The following SND1 variants were observed in gnomAD, a reference collection of about 807,000 sequenced individuals.
SND1 encodes staphylococcal nuclease domain-containing protein 1.
In SND1, 38 loss-of-function variants were observed where a neutral mutation model predicts 121.7. The ratio of observed to expected loss-of-function variants is 0.31; its 90% CI spans 0.24 to 0.41. The LOEUF (loss-of-function observed/expected upper bound fraction) is 0.41. SND1 is among the 10% of genes least tolerant of loss of function. The pLI, the probability that SND1 is intolerant of heterozygous loss-of-function variation, is 1.00. For synonymous variants in SND1, 401 were observed against 447.4 expected, an observed-to-expected ratio of 0.90 and a Z score of 1.31; for missense variants, 868 against 1,184.6, an observed-to-expected ratio of 0.73 and a Z score of 3.92.
At chr7:128,030,332 G>A in intron 16 of SND1, 1 of 1,614,104 alleles carries the variant, frequency 6.2e-7, no homozygotes, top group Non-Finnish European at 8.5e-7. Flanking sequence ...CCAACTGCAG[G>A]ACCTCCAGGT....
intron 11 of SND1, among the ~76,000 whole-genome samples, chr7:127,822,395 C>T (rs1034407381): frequency 1.1e-4 from 16 of 152,046 alleles, no homozygotes. Flanking sequence ...GCAACTTTCC[C>T]GTAAAATTTT....
Position 127,874,378 on chromosome 7 carries a change from A to G in SND1, c.1344-13524A>G, listed in dbSNP as rs550785711. 1.4e-4 allele frequency among the ~76,000 whole-genome samples: 21 copies of G among 152,298 alleles called. No individual in the cohort carries two copies. The South Asian group carries it at 4.4e-3, about 32-fold the overall frequency. The stretch of plus-strand genomic sequence containing the variant: ...CATATTGAAAGACCATATTATGCAC[A>G]AAAGTATGTAATGACTGTTATCATT... On this transcript the variant is annotated intron_variant, in intron 12 of 23. Transcript: ENST00000354725.
chr7:127,652,518 C>A, intron 1 of SND1, 67 bp downstream of exon 1: 1 of 1,308,608 alleles, frequency 7.6e-7, no homozygotes, highest in African/African-American at 1.5e-5. Context: ...ATTGACTCCA[C>A]CTTCCGCCAG....
At chr7:127,765,296 T>A (rs1227136970) in intron 10 of SND1, among the ~76,000 whole-genome samples, 3 of 152,032 alleles carry the variant, frequency 2.0e-5, no homozygotes, top group Non-Finnish European at 4.4e-5. Context: ...GATTTGCATT[T>A]AAAAAAAATG....
chr7:127,975,424 CGTGTGT>C (rs66757341), intron 15 of SND1, among the ~76,000 whole-genome samples: 31,901 of 147,364 alleles, frequency 0.22, 3,602 homozygotes, highest in Middle Eastern at 0.31. Flanking sequence ...TGACTCCCCT[CGTGTGT>C]GTGTGTGTGT....
chr7:128,049,285 A>G (rs1029299319), intron 16 of SND1, among the ~76,000 whole-genome samples: 3 of 151,990 alleles, frequency 2.0e-5, no homozygotes. Context: ...GCCCCAGAAG[A>G]TTTTCTGTCT....
chr7:127,941,298 T>C (rs1388016304), intron 15 of SND1, among the ~76,000 whole-genome samples: 1 of 152,240 alleles, frequency 6.6e-6, no homozygotes, highest in Non-Finnish European at 1.5e-5. Context: ...GATTAGCTTA[T>C]AGGCTTCTAA....
intron 10 of SND1, among the ~76,000 whole-genome samples, chr7:127,792,006 A>G (rs943253722): frequency 6.6e-6 from 1 of 152,222 alleles, no homozygotes; most frequent in Non-Finnish European, 1.5e-5. Context: ...GTTCAACAGC[A>G]TATTAGGTAG....
At chr7:128,090,609 G>T (rs1450379669) in intron 22 of SND1, among the ~76,000 whole-genome samples, 1 of 152,204 alleles carries the variant, frequency 6.6e-6, no homozygotes, top group Non-Finnish European at 1.5e-5. Flanking sequence ...GGGCAAGAAA[G>T]GCGGGGCATG....
At chr7:128,032,812 C>T (rs925751987) in intron 16 of SND1, among the ~76,000 whole-genome samples, 9 of 152,158 alleles carry the variant, frequency 5.9e-5, no homozygotes, top group South Asian at 4.1e-4. Flanking sequence ...TTTGCCTCAC[C>T]CCTCCTGTGC....
At chr7:127,731,917 A>G (rs2116412854) in intron 10 of SND1, among the ~76,000 whole-genome samples, 1 of 152,224 alleles carries the variant, frequency 6.6e-6, no homozygotes, top group Non-Finnish European at 1.5e-5. Flanking sequence ...AAATCCTATA[A>G]CCTTTCATCT....
chr7:128,035,541 C>T (rs1345857067), intron 16 of SND1, among the ~76,000 whole-genome samples: 1 of 152,240 alleles, frequency 6.6e-6, no homozygotes, highest in Admixed American at 6.5e-5. Flanking sequence ...CAGAGAGGCA[C>T]AGTGACTTAC....
At chr7:127,700,949 C>G (rs80042264) in intron 4 of SND1, among the ~76,000 whole-genome samples, 6,926 of 152,240 alleles carry the variant, frequency 0.045, 225 homozygotes, top group Non-Finnish European at 0.067. Context: ...AATACTCTTA[C>G]TATTTAACCT....
chr7:127,838,387 G>C (rs910836397), intron 11 of SND1, among the ~76,000 whole-genome samples: 3 of 152,214 alleles, frequency 2.0e-5, no homozygotes, highest in Admixed American at 6.5e-5. Flanking sequence ...AACCTTTGAA[G>C]AGAAATTTAT....
intron 10 of SND1, among the ~76,000 whole-genome samples, chr7:127,786,089 A>G (rs935391848): frequency 6.6e-6 from 1 of 151,682 alleles, no homozygotes; most frequent in African/African-American, 2.4e-5. Context: ...TGATTTGTTG[A>G]CATCCTTTTT....
chr7:127,910,177 C>T (rs771984261), intron 14 of SND1, among the ~76,000 whole-genome samples: 5 of 152,126 alleles, frequency 3.3e-5, no homozygotes, highest in African/African-American at 7.2e-5. Flanking sequence ...CGGTGGCTCA[C>T]GCCTGTAATC....
intron 14 of SND1, among the ~76,000 whole-genome samples, chr7:127,926,119 C>G (rs180877017): frequency 6.6e-6 from 1 of 152,158 alleles, no homozygotes; most frequent in Admixed American, 6.5e-5. Context: ...GGATTTATAG[C>G]TACATCGCCT....
intron 10 of SND1, among the ~76,000 whole-genome samples, chr7:127,792,845 G>A (rs563022497): frequency 6.6e-6 from 1 of 152,296 alleles, no homozygotes; most frequent in East Asian, 1.9e-4. Flanking sequence ...AGCTACCATT[G>A]CTGGGAGGAA....
At chr7:127,711,876 A>G (rs572926486) in intron 9 of SND1, among the ~76,000 whole-genome samples, 1 of 150,660 alleles carries the variant, frequency 6.6e-6, no homozygotes, top group African/African-American at 2.4e-5. Flanking sequence ...CTCTTTTACT[A>G]TTTTAAAAAA....
Sources: gnomAD v4.1 joint callset for allele counts (sites outside exome capture counted in the v4.1 genomes callset) on GRCh38, gnomAD v4.1.1 for gene constraint, MANE v1.5 for transcripts, NCBI Gene and HGNC (gene_info 2026-07-23, HGNC 2026-07-21) for gene names.